CDKN2D: variants seen among roughly 807,000 people sequenced by gnomAD.
The protein encoded by CDKN2D is cyclin dependent kinase inhibitor 2D, also known as cyclin-dependent kinase 4 inhibitor D.
CDKN2D carries 3 observed loss-of-function variants against 4.7 expected under a neutral mutation model. That is an observed-to-expected ratio of 0.64 (90% confidence interval 0.29 to 1.66). The LOEUF is 1.66. Among genes scored for constraint, CDKN2D ranks in the 40% most tolerant of loss-of-function variants. CDKN2D has a pLI of 0.10. For synonymous variants in CDKN2D, 91 were observed against 102.3 expected (o/e 0.89, Z 0.67); for missense variants, 196 against 230.9 (o/e 0.85, Z 0.98).
At position 10,568,902 on chromosome 19, in the gene CDKN2D, T is replaced by A. The variant is rs1916981025; in HGVS notation, c.-249A>T. 4.3e-6 allele frequency: 1 copy of A among 232,376 alleles called. No homozygotes were observed. The allele number at this position is 232,376 out of a possible 1,614,324, so 14.4% of individuals were successfully genotyped here. A position where few individuals can be genotyped will look rare whatever the true frequency, so the allele number is the denominator to read the frequency against. ...CAACCCTCGGCCGCCCGCGGGGCCCTGCCCGGCGCCCGCCCCTTGGGGGCC... is the reference window on the plus strand; with the variant it reads ...CAACCCTCGGCCGCCCGCGGGGCCCAGCCCGGCGCCCGCCCCTTGGGGGCC... On this transcript the variant is annotated 5_prime_UTR_variant, in exon 1 of 2. Transcript: ENST00000393599.
rs751713276 is a variant in CDKN2D, at chr19:10,567,269, C to T, written c.290G>A (p.Gly97Glu). The T allele has an allele frequency of 1.9e-6, 3 of 1,614,190 alleles. No individual in the cohort carries two copies. In the South Asian group the frequency reaches 3.3e-5, roughly 18 times the overall value. Residue 97 changes from glycine (G) to glutamate (E), a missense_variant, in exon 2 of 2, where the codon GGG becomes GAG. Coordinates refer to ENST00000393599, the MANE Select transcript of CDKN2D (RefSeq NM_001800.4). ...LDTLKVLVEH[G>E]ADVNVPDGTG... ...GCCATCAGGCACGTTGACATCAGCC[C>T]CGTGCTCCACTAGGACCTTCAGGGT...
chr19:10,567,402 T>G lies in CDKN2D; in HGVS notation c.157A>C (p.Ser53Arg). The G allele has an allele frequency of 6.2e-7, 1 of 1,613,420 alleles. No individual in the cohort carries two copies. Among genetic ancestry groups the G allele is most frequent in the Non-Finnish European group, 8.5e-7 (1 of 1,179,642 alleles). Residue 53 changes from serine (S) to arginine (R), a missense_variant, in exon 2 of 2, where the codon AGC becomes CGC. Transcript: ENST00000393599. Reference sequence around the variant, plus strand: ...AGCAGCTCCAGGGCGATGGCGGTGCTGCCAAACATCATGACCTGTGTGAGG... The same window carrying G: ...AGCAGCTCCAGGGCGATGGCGGTGCGGCCAAACATCATGACCTGTGTGAGG... ...KTALQVMMFG[S>R]TAIALELLKQ...
intron 1 of CDKN2D, 50 bp downstream of exon 1, chr19:10,568,447 GCTCTGGGGTCTCGATC>G: frequency 1.6e-6 from 2 of 1,273,574 alleles, no homozygotes; most frequent in Non-Finnish European, 2.0e-6. Flanking sequence ...CCAGAGAGGA[GCTCTGGGGTCTCGATC>G]CTCATCCCGC....
chr19:10,566,981 G>A lies in CDKN2D; in HGVS notation c.*77C>T, dbSNP rs1452521051. ...CTGCAGCAGTGGGCAGGAGAAACAA[G>A]AAGAGAAAGTGTTTCTTCCCCTCTC... is the stretch of plus-strand genomic sequence containing the variant. On this transcript the variant is annotated 3_prime_UTR_variant, in exon 2 of 2. Coordinates refer to ENST00000393599, the MANE Select transcript of CDKN2D (RefSeq NM_001800.4). 2 of 1,438,574 alleles carry A rather than the reference G, an allele frequency of 1.4e-6. No homozygotes were observed. Among genetic ancestry groups the A allele is most frequent in the Admixed American group, 2.2e-5 (1 of 45,710 alleles). The allele number at this position is 1,438,574 out of a possible 1,614,324, so 89.1% of individuals were successfully genotyped here.
At position 10,567,276 on chromosome 19, in the gene CDKN2D, C is replaced by T; in HGVS notation, c.283G>A (p.Glu95Lys). 6.2e-7 allele frequency: 1 copy of T among 1,614,202 alleles called. No individual in the cohort carries two copies. Among genetic ancestry groups the T allele is most frequent in the African/African-American group, 1.3e-5 (1 of 75,050 alleles). Residue 95 changes from glutamate (E) to lysine (K), a missense_variant, in exon 2 of 2, where the codon GAG (glutamate) becomes AAG (lysine). Physicochemically the swap from Glu to Lys is moderately conservative, Grantham distance 56. Transcript: ENST00000393599. ...GFLDTLKVLV[E>K]HGADVNVPDG... ...GGCACGTTGACATCAGCCCCGTGCT[C>T]CACTAGGACCTTCAGGGTGTCCAGG...
At chr19:10,567,853 G>A (rs994657392) in intron 1 of CDKN2D, among the ~76,000 whole-genome samples, 1 of 152,016 alleles carries the variant, frequency 6.6e-6, no homozygotes, top group Non-Finnish European at 1.5e-5. Context: ...CCTTCTCCAG[G>A]AAATAGCCTC....
rs778494259 is a variant in CDKN2D at position 10,567,300 on chromosome 19, G to C, written c.259C>G (p.Leu87Val). The C allele has an allele frequency of 2.5e-6, 4 of 1,614,090 alleles. No homozygotes were observed. In the African/African-American group the frequency reaches 5.3e-5, roughly 22 times the overall value. Residue 87 changes from leucine to valine, a missense_variant, in exon 2 of 2, where the codon CTG (leucine) becomes GTG (valine). By Grantham distance (32) the Leu-to-Val change is conservative (BLOSUM62 1). Coordinates refer to ENST00000393599, the MANE Select transcript of CDKN2D (RefSeq NM_001800.4). Reference sequence around the variant, plus strand: ...TCCACTAGGACCTTCAGGGTGTCCAGGAATCCAGTGCGGGCTGCGTCATGG... The same window carrying C: ...TCCACTAGGACCTTCAGGGTGTCCACGAATCCAGTGCGGGCTGCGTCATGG... ...PVHDAARTGF[L>V]DTLKVLVEHG...
At position 10,568,510 on chromosome 19, in the gene CDKN2D, C is replaced by A; in HGVS notation, c.141+3G>T. 7.0e-7 allele frequency: 1 copy of A among 1,421,832 alleles called. No homozygotes were observed. The highest frequency in any genetic ancestry group is 2.8e-5 in the East Asian group (1 of 35,556). 88.1% of individuals were successfully genotyped at this position (1,421,832 alleles called of 1,614,324 possible). ...GCCCCAACCTGGACCGGCCCGGCCTCACCTGCAGCGCCGTCTTGCCGAAGC... is the reference window on the plus strand; with the variant it reads ...GCCCCAACCTGGACCGGCCCGGCCTAACCTGCAGCGCCGTCTTGCCGAAGC... On this transcript the variant is annotated splice_donor_region_variant and intron_variant, in intron 1 of 1. Coordinates refer to ENST00000393599, the MANE Select transcript of CDKN2D (RefSeq NM_001800.4).
At chr19:10,568,128 G>C (rs1051187283) in intron 1 of CDKN2D, among the ~76,000 whole-genome samples, 1 of 151,872 alleles carries the variant, frequency 6.6e-6, no homozygotes, top group Non-Finnish European at 1.5e-5. Context: ...GGAACCCCTA[G>C]AGACAGGACC....
Position 10,567,210 on chromosome 19 carries a change from C to G in CDKN2D, c.349G>C (p.Glu117Gln). 1 of 1,614,204 alleles carries G rather than the reference C, an allele frequency of 6.2e-7. No homozygotes were observed. Among genetic ancestry groups the G allele is most frequent in the Admixed American group, 1.7e-5 (1 of 60,034 alleles). Residue 117 changes from glutamate to glutamine, a missense_variant, in exon 2 of 2, where the codon GAG becomes CAG. Physicochemically the swap from Glu to Gln is conservative, Grantham distance 29. Coordinates refer to ENST00000393599, the MANE Select transcript of CDKN2D (RefSeq NM_001800.4). Reference sequence around the variant, plus strand: ...AAGCTGACCACAGCAGTGTGACCCTCTTGAACTGCCAGATGGATTGGAAGT... The same window carrying G: ...AAGCTGACCACAGCAGTGTGACCCTGTTGAACTGCCAGATGGATTGGAAGT... ...GALPIHLAVQ[E>Q]GHTAVVSFLA...
intron 1 of CDKN2D, among the ~76,000 whole-genome samples, chr19:10,567,718 A>C (rs1916941985): frequency 6.9e-6 from 1 of 145,402 alleles, no homozygotes; most frequent in South Asian, 2.2e-4. Context: ...AGACGCCCCC[A>C]GATATGGGCA....
In CDKN2D at chr19:10,567,274, C is replaced by T. The variant is rs1052485618; in HGVS notation, c.285G>A (p.Glu95=). ...CAGGCACGTTGACATCAGCCCCGTG[C>T]TCCACTAGGACCTTCAGGGTGTCCA... ...GFLDTLKVLV[E]HGADVNVPDG... is the part of the protein sequence containing the mutation. Residue 95 remains glutamate, a synonymous_variant, in exon 2 of 2, where the codon GAG becomes GAA. Coordinates refer to ENST00000393599, the MANE Select transcript of CDKN2D (RefSeq NM_001800.4). The T allele has an allele frequency of 1.9e-6, 3 of 1,614,106 alleles. No individual in the cohort carries two copies. The African/African-American group carries it at 4.0e-5, about 22-fold the overall frequency.
In CDKN2D at chr19:10,568,938, CT is replaced by C. The variant is rs1916982556; in HGVS notation, c.-286del. ...CGCCCCTTGGGGGCCGGGTCTCCCC[CT>C]AACTCACCCTCCCTCCTCCTCGCCG... On this transcript the variant is annotated 5_prime_UTR_variant, in exon 1 of 2. Coordinates refer to ENST00000393599, the MANE Select transcript of CDKN2D (RefSeq NM_001800.4). The C allele has an allele frequency of 4.8e-6, 1 of 209,758 alleles. No individual in the cohort carries two copies. The highest frequency in any genetic ancestry group is 2.3e-5 in the African/African-American group (1 of 43,410). 13.0% of individuals were successfully genotyped at this position (209,758 alleles called of 1,614,324 possible).
At position 10,566,610 on chromosome 19, in the gene CDKN2D, A is replaced by C; in HGVS notation, c.*448T>G. On this transcript the variant is annotated 3_prime_UTR_variant, in exon 2 of 2. Coordinates refer to ENST00000393599, the MANE Select transcript of CDKN2D (RefSeq NM_001800.4). ...GCTTCCAACAGAATATGAATAACTC[A>C]TAACTCATTCTACCTTCTTATTGAT... is the stretch of plus-strand genomic sequence containing the variant. The C allele has an allele frequency of 3.9e-6, 1 of 255,784 alleles. No homozygotes were observed. The highest frequency in any genetic ancestry group is 7.7e-6 in the Non-Finnish European group (1 of 130,136). The allele number at this position is 255,784 out of a possible 1,614,324, so 15.8% of individuals were successfully genotyped here.
chr19:10,566,645 T>C lies in CDKN2D; in HGVS notation c.*413A>G. On this transcript the variant is annotated 3_prime_UTR_variant, in exon 2 of 2. Transcript: ENST00000393599. ...CTACCTTCTTATTGATTTGGGACGC[T>C]CCCCCCACCCCCCATGCCTGAAGCA... 3.8e-6 allele frequency: 1 copy of C among 262,334 alleles called. No homozygotes were observed. The allele number at this position is 262,334 out of a possible 1,614,324, so 16.3% of individuals were successfully genotyped here.
Position 10,568,522 on chromosome 19 carries a change from C to G in CDKN2D, c.132G>C (p.Thr44=). 2.8e-6 allele frequency: 4 copies of G among 1,443,476 alleles called. No homozygotes were observed. Among genetic ancestry groups the G allele is most frequent in the Non-Finnish European group, 2.7e-6 (3 of 1,094,936 alleles). The allele number at this position is 1,443,476 out of a possible 1,614,324, so 89.4% of individuals were successfully genotyped here. ...ACCGGCCCGGCCTCACCTGCAGCGC[C>G]GTCTTGCCGAAGCGGTTGAGGGCGT... ...HPDALNRFGK[T]ALQVMMFGST... The change falls in exon 1 of 2, where the codon ACG becomes ACC. Residue 44 remains threonine, a synonymous_variant. Coordinates refer to ENST00000393599, the MANE Select transcript of CDKN2D (RefSeq NM_001800.4).
rs907771563 is a variant in CDKN2D, at chr19:10,568,871, C to T, written c.-218G>A. ...CGGAGGACGGCGAGGGGCTGGGAGC[C>T]GGGCCCAACCCTCGGCCGCCCGCGG... On this transcript the variant is annotated 5_prime_UTR_variant, in exon 1 of 2. Transcript: ENST00000393599. 9 of 280,724 alleles carry T rather than the reference C, an allele frequency of 3.2e-5. No homozygotes were observed. The highest frequency in any genetic ancestry group is 1.6e-4 in the Admixed American group (3 of 18,738). The allele number at this position is 280,724 out of a possible 1,614,324, so 17.4% of individuals were successfully genotyped here.
At position 10,566,868 on chromosome 19, in the gene CDKN2D, G is replaced by A. The variant is rs1246555793; in HGVS notation, c.*190C>T. The A allele has an allele frequency of 5.0e-6, 3 of 598,634 alleles. No individual in the cohort carries two copies. Among genetic ancestry groups the A allele is most frequent in the African/African-American group, 1.9e-5 (1 of 53,840 alleles). The allele number at this position is 598,634 out of a possible 1,614,324, so 37.1% of individuals were successfully genotyped here. On this transcript the variant is annotated 3_prime_UTR_variant, in exon 2 of 2. Transcript: ENST00000393599. ...CCTTCTCTGTCCAACACACCAAAAGGAGTGAGAAAAACAAATGAGAAACGT... is the reference window on the plus strand; with the variant it reads ...CCTTCTCTGTCCAACACACCAAAAGAAGTGAGAAAAACAAATGAGAAACGT...
In CDKN2D at chr19:10,568,779, T is replaced by G. The variant is rs1304789761; in HGVS notation, c.-126A>C. Reference sequence around the variant, plus strand: ...GCGGCCGCGGTGCACCCGGCTGCGCTGCTCTCCCGTCCCGGCTCCCCAGCC... The same window carrying G: ...GCGGCCGCGGTGCACCCGGCTGCGCGGCTCTCCCGTCCCGGCTCCCCAGCC... On this transcript the variant is annotated 5_prime_UTR_variant, in exon 1 of 2. Coordinates refer to ENST00000393599, the MANE Select transcript of CDKN2D (RefSeq NM_001800.4). 5.4e-6 allele frequency: 3 copies of G among 552,072 alleles called. No individual in the cohort carries two copies. Among genetic ancestry groups the G allele is most frequent in the East Asian group, 8.0e-5 (2 of 24,982 alleles). 34.2% of individuals were successfully genotyped at this position (552,072 alleles called of 1,614,324 possible).
Sources: gnomAD v4.1 joint callset for allele counts (sites outside exome capture counted in the v4.1 genomes callset) on GRCh38, gnomAD v4.1.1 for gene constraint, MANE v1.5 for transcripts, NCBI Gene and HGNC (gene_info 2026-07-23, HGNC 2026-07-21) for gene names.